TMEM161B: variants seen among roughly 807,000 people sequenced by gnomAD.
TMEM161B encodes the protein transmembrane protein 161B.
In TMEM161B, 34 loss-of-function variants were observed where a neutral mutation model predicts 61.8. The observed-to-expected ratio is 0.55, with a 90% CI of 0.42 to 0.73. The LOEUF (loss-of-function observed/expected upper bound fraction) is 0.73. TMEM161B is among the 30% of genes least tolerant of loss of function. The pLI is 0.00. For synonymous variants in TMEM161B, 167 were observed against 192.8 expected, an observed-to-expected ratio of 0.87 and a Z score of 1.11; for missense variants, 456 against 558.5, an observed-to-expected ratio of 0.82 and a Z score of 1.85.
chr5:88,233,581 AT>A (rs1751363864), intron 2 of TMEM161B, among the ~76,000 whole-genome samples: 5 of 152,222 alleles, frequency 3.3e-5, no homozygotes. Context: ...ATGTAGATAA[AT>A]AATTTGATTC....
chr5:88,190,256 A>T, downstream of TMEM161B: 1 of 700,816 alleles, frequency 1.4e-6, no homozygotes, highest in Non-Finnish European at 2.6e-6. Flanking sequence ...CTTGCCTTGC[A>T]TTATGCTGTC....
downstream of TMEM161B, among the ~76,000 whole-genome samples, chr5:88,185,680 C>T (rs1748325928): frequency 6.6e-6 from 1 of 152,052 alleles, no homozygotes. Flanking sequence ...TTTAAAATGT[C>T]TGAGATTGAA....
At chr5:88,266,814 A>G (rs1201551089) in intron 1 of TMEM161B, among the ~76,000 whole-genome samples, 3 of 152,238 alleles carry the variant, frequency 2.0e-5, no homozygotes, top group Admixed American at 1.3e-4. Flanking sequence ...TATCAATTTC[A>G]TAGCTGGGAA....
At chr5:88,197,116 A>G (rs1250800776) in intron 11 of TMEM161B, among the ~76,000 whole-genome samples, 1 of 152,104 alleles carries the variant, frequency 6.6e-6, no homozygotes, top group Non-Finnish European at 1.5e-5. Context: ...AAACCCTAAC[A>G]GTGGCTGATT....
At chr5:88,187,376 T>C (rs528729212), downstream of TMEM161B, among the ~76,000 whole-genome samples, 2 of 152,368 alleles carry the variant, frequency 1.3e-5, no homozygotes, top group Admixed American at 1.3e-4. Context: ...GGTGAAACTA[T>C]TATTTGGATT....
In TMEM161B at chr5:88,205,825, TTC is replaced by T; in HGVS notation, c.787_788del (p.Glu263LysfsTer69). ...MHLDALNLATEKITQTLLHIN... is the reference protein window; with the variant it reads ...MHLDALNLATXKITQTLLHIN... ...CATTTTCCGCTTACTGTGTAATTTT[TTC>T]TGTTGCCAAATTCAGGGCATCCAGA... On this transcript the variant is annotated frameshift_variant, in exon 8 of 12. Coordinates refer to ENST00000296595, the MANE Select transcript of TMEM161B (RefSeq NM_153354.5). LOFTEE classifies it high-confidence loss of function. 1 of 1,612,402 alleles carries T rather than the reference TTC, an allele frequency of 6.2e-7. No homozygotes were observed.
At chr5:88,256,069 A>G (rs776716059) in intron 1 of TMEM161B, among the ~76,000 whole-genome samples, 7 of 152,212 alleles carry the variant, frequency 4.6e-5, no homozygotes, top group Non-Finnish European at 7.3e-5. Flanking sequence ...CCAACAACAA[A>G]GAGGGAAAGG....
chr5:88,191,459 G>C (rs1343611746), downstream of TMEM161B, among the ~76,000 whole-genome samples: 2 of 152,120 alleles, frequency 1.3e-5, no homozygotes, highest in Non-Finnish European at 2.9e-5. Flanking sequence ...AACAGCCTAT[G>C]GCACATTACA....
intron 1 of TMEM161B, among the ~76,000 whole-genome samples, chr5:88,242,141 G>A (rs145494116): frequency 1.3e-5 from 2 of 151,430 alleles, no homozygotes; most frequent in African/African-American, 2.4e-5. Context: ...TTCCCCGTTC[G>A]ACAGCCTTCT....
chr5:88,208,785 G>A (rs552169591), intron 5 of TMEM161B, among the ~76,000 whole-genome samples: 3 of 152,174 alleles, frequency 2.0e-5, no homozygotes, highest in Non-Finnish European at 4.4e-5. Flanking sequence ...ATCTGTGCAC[G>A]TAACTATTGA....
Position 88,268,816 on chromosome 5 carries a change from A to C in TMEM161B, c.-93T>G. The stretch of plus-strand genomic sequence containing the variant: ...CCGGTCCTTGAGCCGAGAGACTCTC[A>C]AACAGCGAAAGAGAGGGTCTTCCGG... On this transcript the variant is annotated 5_prime_UTR_variant, in exon 1 of 12. Coordinates refer to ENST00000296595, the MANE Select transcript of TMEM161B (RefSeq NM_153354.5). The C allele has an allele frequency of 5.6e-6, 9 of 1,597,566 alleles. No homozygotes were observed. The highest frequency in any genetic ancestry group is 6.0e-6 in the Non-Finnish European group (7 of 1,168,496).
chr5:88,223,972 G>C (rs576778622), intron 4 of TMEM161B, among the ~76,000 whole-genome samples: 2 of 151,776 alleles, frequency 1.3e-5, no homozygotes, highest in South Asian at 4.2e-4. Context: ...TTAGTTCTAG[G>C]ACATGCTTTA....
At chr5:88,268,125 AAC>A (rs1418893106) in intron 1 of TMEM161B, among the ~76,000 whole-genome samples, 2 of 152,158 alleles carry the variant, frequency 1.3e-5, no homozygotes, top group African/African-American at 4.8e-5. Flanking sequence ...TCCCTACTGC[AAC>A]AGTTCCTTCA....
intron 10 of TMEM161B, 129 bp downstream of exon 10, chr5:88,198,847 G>T: frequency 1.2e-6 from 1 of 849,456 alleles, no homozygotes; most frequent in Middle Eastern, 3.7e-4. Context: ...GTCAACTTAA[G>T]ATTGTTCTGT....
At chr5:88,237,847 A>G (rs111805022) in intron 2 of TMEM161B, among the ~76,000 whole-genome samples, 156 of 152,282 alleles carry the variant, frequency 1.0e-3, no homozygotes, top group African/African-American at 3.6e-3. Context: ...CTAATTTGTA[A>G]GTAAAAGCTG....
chr5:88,206,754 A>G (rs1745578344), intron 6 of TMEM161B, among the ~76,000 whole-genome samples: 1 of 152,146 alleles, frequency 6.6e-6, no homozygotes, highest in Non-Finnish European at 1.5e-5. Context: ...TTCTTCAACT[A>G]TAAGAGTAAA....
rs752529608 is a variant in TMEM161B at position 88,196,454 on chromosome 5, G to A, written c.1221C>T (p.Ile407=). ...GACTATTATCCACTGGTAAGGTAGAGATAGATTCTGGATAAATACCCCAGG... is the reference window on the plus strand; with the variant it reads ...GACTATTATCCACTGGTAAGGTAGAAATAGATTCTGGATAAATACCCCAGG... ...NHSWGIYPES[I]STLPVDNSLL... Residue 407 remains isoleucine (I), a synonymous_variant, in exon 12 of 12, where the codon ATC becomes ATT. Coordinates refer to ENST00000296595, the MANE Select transcript of TMEM161B (RefSeq NM_153354.5). 31 of 1,610,524 alleles carry A rather than the reference G, an allele frequency of 1.9e-5. No individual in the cohort carries two copies. Among genetic ancestry groups the A allele is most frequent in the Admixed American group, 3.4e-5 (2 of 59,522 alleles).
chr5:88,225,683 T>A, intron 4 of TMEM161B, 86 bp downstream of exon 4: 1 of 809,748 alleles, frequency 1.2e-6, no homozygotes, highest in Non-Finnish European at 2.0e-6. Context: ...TTCTCTATAA[T>A]GGACTTAATG....
At chr5:88,235,811 AC>A (rs1751754424) in intron 2 of TMEM161B, among the ~76,000 whole-genome samples, 1 of 152,204 alleles carries the variant, frequency 6.6e-6, no homozygotes, top group African/African-American at 2.4e-5. Context: ...TTAAGCAAAA[AC>A]AAATACCACT....
Sources: gnomAD v4.1 joint callset for allele counts (sites outside exome capture counted in the v4.1 genomes callset) on GRCh38, gnomAD v4.1.1 for gene constraint, MANE v1.5 for transcripts, NCBI Gene and HGNC (gene_info 2026-07-23, HGNC 2026-07-21) for gene names.